The following AP1M1 variants were observed in gnomAD, a reference collection of about 807,000 sequenced individuals.
AP1M1 encodes the protein adaptor related protein complex 1 subunit mu 1.
AP1M1 carries 18 observed loss-of-function variants against 57.1 expected under a neutral mutation model. The ratio of observed to expected loss-of-function variants is 0.32; its 90% CI spans 0.22 to 0.47. The LOEUF (loss-of-function observed/expected upper bound fraction) is 0.47, where lower values mean the gene tolerates loss of function less well. Among genes scored for constraint, AP1M1 ranks in the 20% least tolerant of loss-of-function variants. The pLI, the probability that AP1M1 is intolerant of heterozygous loss-of-function variation, is 1.00. For synonymous variants in AP1M1, 241 were observed against 237.9 expected (o/e 1.01, Z -0.12); for missense variants, 362 against 593.5 (o/e 0.61, Z 4.05).
At chr19:16,226,140 AG>A (rs11355766) in intron 5 of AP1M1, among the ~76,000 whole-genome samples, 99,591 of 151,516 alleles carry the variant, frequency 0.66, 34,946 homozygotes, top group Non-Finnish European at 0.8. Context: ...TGAGGCCTAG[AG>A]GGCAGGACCC....
At position 16,207,063 on chromosome 19, in the gene AP1M1, G is replaced by A. The variant is rs4808034; in HGVS notation, c.267+655G>A. Among the ~76,000 whole-genome samples, 83,419 of 152,044 alleles carry A rather than the reference G, an allele frequency of 0.55. 25,934 individuals carry two copies. Among genetic ancestry groups the A allele is most frequent in the Non-Finnish European group, 0.71 (48,356 of 67,980 alleles). On this transcript the variant is annotated intron_variant, in intron 3 of 11. Coordinates refer to ENST00000291439, the MANE Select transcript of AP1M1 (RefSeq NM_032493.4). The surrounding 1 kb of genome is among the most constrained non-coding windows in gnomAD (Gnocchi z 4.2). ...ACAAGACGTGGTTTGATCTAAAGCAGCCTCTCTGGCTGCTGAGCAGAAGGA... is the reference window on the plus strand; with the variant it reads ...ACAAGACGTGGTTTGATCTAAAGCAACCTCTCTGGCTGCTGAGCAGAAGGA...
At chr19:16,213,508 C>G (rs1280881572) in intron 5 of AP1M1, among the ~76,000 whole-genome samples, 2 of 147,614 alleles carry the variant, frequency 1.4e-5, no homozygotes, top group African/African-American at 5.0e-5. Flanking sequence ...TTTTTTTTTT[C>G]TTTTGAGACA....
intron 5 of AP1M1, among the ~76,000 whole-genome samples, chr19:16,217,509 T>C (rs1341330517): frequency 6.6e-6 from 1 of 152,096 alleles, no homozygotes; most frequent in Non-Finnish European, 1.5e-5. Flanking sequence ...GGCTAGTGTG[T>C]CCATGGGGCC....
At chr19:16,200,566 C>T (rs1303457780) in intron 1 of AP1M1, among the ~76,000 whole-genome samples, 1 of 152,200 alleles carries the variant, frequency 6.6e-6, no homozygotes, top group Non-Finnish European at 1.5e-5. Context: ...CCACGACCCA[C>T]GGACCTCCTG....
chr19:16,225,606 C>A (rs886854662), intron 5 of AP1M1, among the ~76,000 whole-genome samples: 1 of 152,206 alleles, frequency 6.6e-6, no homozygotes, highest in East Asian at 1.9e-4. Context: ...TCTCGGCATG[C>A]GCAGTGGGTT....
rs1421135482 is a variant in AP1M1 at position 16,206,253 on chromosome 19, T to A, written c.200-88T>A. The A allele has an allele frequency of 6.5e-6, 9 of 1,378,712 alleles. No individual in the cohort carries two copies. The highest frequency in any genetic ancestry group is 8.2e-6 in the Non-Finnish European group (8 of 973,416). The allele number at this position is 1,378,712 out of a possible 1,614,324, so 85.4% of individuals were successfully genotyped here. On this transcript the variant is annotated intron_variant, in intron 2 of 11. Transcript: ENST00000291439. This position sits in a 1 kb window ranked among gnomAD's most constrained non-coding sequence, Gnocchi z 4.3. ...GGGATAGGGAAGGCTCTGAGGGTTG[T>A]GAGGGTTAGGGGGTCCCTCCATGAA...
At chr19:16,222,595 T>G (rs556461936) in intron 5 of AP1M1, among the ~76,000 whole-genome samples, 78 of 151,182 alleles carry the variant, frequency 5.2e-4, no homozygotes, top group African/African-American at 1.8e-3. Context: ...ATTCTTCTCT[T>G]TTTGTTTGTT....
Position 16,208,062 on chromosome 19 carries a change from G to C in AP1M1, c.311G>C (p.Arg104Pro), listed in dbSNP as rs1568348670. 6.2e-7 allele frequency: 1 copy of C among 1,613,906 alleles called. No homozygotes were observed. ...YFKELEEESI[R>P]DNFVIIYELL... ...AAGGAGCTGGAGGAGGAGAGCATCC[G>C]GGACAACTTTGTTATCATCTACGAG... is the stretch of plus-strand genomic sequence containing the variant. Residue 104 changes from arginine (R) to proline (P), a missense_variant, in exon 4 of 12, where the codon CGG becomes CCG. Around this residue, in one of 2 missense-constraint regions of AP1M1, gnomAD observed 337 missense variants for 511.1 expected, o/e 0.66. Coordinates refer to ENST00000291439, the MANE Select transcript of AP1M1 (RefSeq NM_032493.4).
In AP1M1 at chr19:16,245,275, C is replaced by T. The variant is rs401715; in HGVS notation, c.*10840C>T. ...TTATTATTTTAGCACTGTAACTTTG[C>T]TTTTCTTCTTTGTTTTGTTTTTTTG... On this transcript the variant is annotated 3_prime_UTR_variant, in exon 12 of 12. Transcript: ENST00000291439. 108,463 of 151,916 alleles carry T rather than the reference C, an allele frequency of 0.71. 38,950 individuals are homozygous for T. The highest frequency in any genetic ancestry group is 0.77 in the Admixed American group (11,769 of 15,240). The allele number at this position is 151,916 out of a possible 1,614,324, so 9.4% of individuals were successfully genotyped here.
At chr19:16,222,005 T>C (rs896019664) in intron 5 of AP1M1, among the ~76,000 whole-genome samples, 1 of 151,576 alleles carries the variant, frequency 6.6e-6, no homozygotes, top group Non-Finnish European at 1.5e-5. Flanking sequence ...GTTTTTGTCA[T>C]TTTACTCTTC....
intron 5 of AP1M1, among the ~76,000 whole-genome samples, chr19:16,218,379 G>C (rs1293592275): frequency 6.6e-6 from 1 of 152,214 alleles, no homozygotes; most frequent in Non-Finnish European, 1.5e-5. Context: ...AGCTGGCCGT[G>C]GCAGTCGAGG....
Position 16,236,398 on chromosome 19 carries a change from A to G in AP1M1, c.*1963A>G, listed in dbSNP as rs1294096962. 1 of 152,342 alleles carries G rather than the reference A, an allele frequency of 6.6e-6. No homozygotes were observed. The highest frequency in any genetic ancestry group is 1.9e-4 in the East Asian group (1 of 5,194). 9.4% of individuals were successfully genotyped at this position (152,342 alleles called of 1,614,324 possible). A position where few individuals can be genotyped will look rare whatever the true frequency, so the allele number is the denominator to read the frequency against. On this transcript the variant is annotated 3_prime_UTR_variant, in exon 12 of 12. Transcript: ENST00000291439. ...TGCCCATAAAAAAGCAAGGAGACCC[A>G]CAGGAGCCCAAGACGAAGGAAGTAG...
In AP1M1 at chr19:16,203,402, C is replaced by T; in HGVS notation, c.43-57C>T. 1.1e-5 allele frequency: 17 copies of T among 1,597,724 alleles called. No homozygotes were observed. The highest frequency in any genetic ancestry group is 1.2e-5 in the Non-Finnish European group (14 of 1,166,320). On this transcript the variant is annotated intron_variant, in intron 1 of 11. Coordinates refer to ENST00000291439, the MANE Select transcript of AP1M1 (RefSeq NM_032493.4). This position sits in a 1 kb window ranked among gnomAD's most constrained non-coding sequence, Gnocchi z 4.6. ...GGTGCATCTCACCCCCTGCCCCAAGCCCCCAGATTGTAGAACTGAAAATGC... is the reference window on the plus strand; with the variant it reads ...GGTGCATCTCACCCCCTGCCCCAAGTCCCCAGATTGTAGAACTGAAAATGC...
Position 16,239,314 on chromosome 19 carries a change from G to A in AP1M1, c.*4879G>A, listed in dbSNP as rs1375442356. The A allele has an allele frequency of 8.3e-6, 1 of 120,810 alleles. No homozygotes were observed. The highest frequency in any genetic ancestry group is 1.6e-5 in the Non-Finnish European group (1 of 61,844). 7.5% of individuals were successfully genotyped at this position (120,810 alleles called of 1,614,324 possible). On this transcript the variant is annotated 3_prime_UTR_variant, in exon 12 of 12. Coordinates refer to ENST00000291439, the MANE Select transcript of AP1M1 (RefSeq NM_032493.4). ...AAGCTGGGCATGGTAGTATGCACCT[G>A]TAGTCCCAACTACTTGGGAGGCTGA...
intron 5 of AP1M1, among the ~76,000 whole-genome samples, chr19:16,220,463 T>A (rs1435294402): frequency 6.6e-6 from 1 of 152,124 alleles, no homozygotes; most frequent in African/African-American, 2.4e-5. Flanking sequence ...CGATTACAGC[T>A]CACCGCAACC....
rs2084505516 is a variant in AP1M1 at position 16,203,830 on chromosome 19, C to T, written c.199+215C>T. On this transcript the variant is annotated intron_variant, in intron 2 of 11. Coordinates refer to ENST00000291439, the MANE Select transcript of AP1M1 (RefSeq NM_032493.4). This position sits in a 1 kb window ranked among gnomAD's most constrained non-coding sequence, Gnocchi z 4.6. ...GGGAGAGGAGCAGGTGTGACTTGAA[C>T]CTCTTCAGCCCAGGGGCCCAGGAAG... Among the ~76,000 whole-genome samples the T allele has an allele frequency of 2.0e-5, 3 of 152,036 alleles. No homozygotes were observed. The highest frequency in any genetic ancestry group is 7.2e-5 in the African/African-American group (3 of 41,386).
At chr19:16,226,400 C>T (rs764205073) in intron 5 of AP1M1, 21 bp from the exon 6 acceptor site, 78 of 1,517,142 alleles carry the variant, frequency 5.1e-5, no homozygotes, top group South Asian at 2.4e-4. Flanking sequence ...CCTCCCCTCA[C>T]GCCCACACCG....
intron 9 of AP1M1, among the ~76,000 whole-genome samples, chr19:16,229,218 G>C (rs987354891): frequency 6.6e-6 from 1 of 152,186 alleles, no homozygotes; most frequent in Admixed American, 6.5e-5. Flanking sequence ...CCTGAGTACT[G>C]ATGTGAGATG....
chr19:16,213,652 G>A (rs981336765), intron 5 of AP1M1, among the ~76,000 whole-genome samples: 3 of 152,152 alleles, frequency 2.0e-5, no homozygotes, highest in East Asian at 1.9e-4. Context: ...GCGCCACCAC[G>A]CCTGGCGGTT....
Sources: gnomAD v4.1 joint callset for allele counts (sites outside exome capture counted in the v4.1 genomes callset) on GRCh38, gnomAD v4.1.1 for gene constraint, gnomAD v4.1.1 regional missense constraint, Gnocchi (gnomAD v3.1) non-coding constraint, MANE v1.5 for transcripts, NCBI Gene and HGNC (gene_info 2026-07-23, HGNC 2026-07-21) for gene names.